The following CIDEC variants were observed in gnomAD, a reference collection of about 807,000 sequenced individuals.
CIDEC encodes lipid transferase CIDEC.
CIDEC carries 11 observed loss-of-function variants against 21.9 expected under a neutral mutation model. The observed-to-expected ratio is 0.50, with a 90% CI of 0.32 to 0.83. The LOEUF (loss-of-function observed/expected upper bound fraction) is 0.83, where lower values mean the gene tolerates loss of function less well. CIDEC is among the 40% of genes least tolerant of loss of function. The pLI is 0.04. For synonymous variants in CIDEC, 127 were observed against 124.9 expected (o/e 1.02, Z -0.11); for missense variants, 302 against 302.3 (o/e 1.00, Z 0.01).
At chr3:9,875,441 A>G (rs1292186586) in intron 4 of CIDEC, among the ~76,000 whole-genome samples, 1 of 152,154 alleles carries the variant, frequency 6.6e-6, no homozygotes, top group Non-Finnish European at 1.5e-5. Flanking sequence ...AAACAAAAAT[A>G]GCTGGCTCAT....
intron 4 of CIDEC, among the ~76,000 whole-genome samples, chr3:9,875,321 G>A (rs1355723491): frequency 1.4e-5 from 2 of 148,064 alleles, no homozygotes; most frequent in African/African-American, 5.0e-5. Context: ...AGCTTGCAGT[G>A]AGCCGAGATA....
intron 5 of CIDEC, 25 bp downstream of exon 5, chr3:9,870,139 T>A (rs2082327674): frequency 1.2e-6 from 2 of 1,613,934 alleles, no homozygotes; most frequent in Non-Finnish European, 8.5e-7. Context: ...TTCTCCCCCA[T>A]CAGGTGCAAC....
At chr3:9,880,034 C>T (rs2082483713) in intron 1 of CIDEC, among the ~76,000 whole-genome samples, 190 bp downstream of exon 1, 3 of 151,862 alleles carry the variant, frequency 2.0e-5, no homozygotes, top group African/African-American at 7.2e-5. Flanking sequence ...AGGCAGAAAG[C>T]CCCTTTCCCA....
intron 4 of CIDEC, among the ~76,000 whole-genome samples, chr3:9,870,950 CTT>C (rs200670875): frequency 7.0e-5 from 10 of 142,746 alleles, no homozygotes; most frequent in African/African-American, 1.8e-4. Context: ...ATAATTCATT[CTT>C]TTTTTTTTTT....
intron 4 of CIDEC, among the ~76,000 whole-genome samples, chr3:9,870,881 C>T (rs1457198009): frequency 6.6e-6 from 1 of 151,840 alleles, no homozygotes; most frequent in Non-Finnish European, 1.5e-5. Context: ...CTCAAGGGAT[C>T]CTTCTACCTT....
rs456168 is a variant in CIDEC, at chr3:9,877,177, C to A, written c.96G>T (p.Leu32=). ...VRTSVVTQQL[L]SEPSPKAPRA... ...TGGGGGCCTTGGGGCTGGGCTCCGA[C>A]AGCAGCTGCTGGGTCACCACAGAGG... Residue 32 remains leucine (L), a synonymous_variant, in exon 4 of 7, where the codon CTG becomes CTT. Coordinates refer to ENST00000336832, the MANE Select transcript of CIDEC (RefSeq NM_001321142.2). The A allele has an allele frequency of 0.22, 347,934 of 1,550,738 alleles. 42,296 individuals carry two copies. The highest frequency in any genetic ancestry group is 0.47 in the African/African-American group (34,153 of 73,080).
intron 4 of CIDEC, among the ~76,000 whole-genome samples, chr3:9,875,846 C>T (rs1312842650): frequency 1.3e-5 from 2 of 152,150 alleles, no homozygotes; most frequent in Non-Finnish European, 2.9e-5. Context: ...CCAGGGGAAG[C>T]CACATATAAC....
rs568897034 is a variant in CIDEC at position 9,867,014 on chromosome 3, G to A, written c.*120C>T. 6.4e-5 allele frequency: 69 copies of A among 1,083,350 alleles called. No homozygotes were observed. Among genetic ancestry groups the A allele is most frequent in the Non-Finnish European group, 8.1e-5 (57 of 700,102 alleles). The allele number at this position is 1,083,350 out of a possible 1,614,324, so 67.1% of individuals were successfully genotyped here. ...CTCCTCCTCACTCAGGGTCCTGCGC[G>A]GTGAGGGAGGTGTGGGGAGGTTCGC... On this transcript the variant is annotated 3_prime_UTR_variant, in exon 7 of 7. Coordinates refer to ENST00000336832, the MANE Select transcript of CIDEC (RefSeq NM_001321142.2).
chr3:9,878,909 A>G, intron 2 of CIDEC, 33 bp downstream of exon 2: 1 of 1,118,698 alleles, frequency 8.9e-7, no homozygotes, highest in Non-Finnish European at 1.3e-6. Flanking sequence ...GGTGAGTCAC[A>G]CCACCTCACA....
At chr3:9,872,328 C>T (rs1036143244) in intron 4 of CIDEC, among the ~76,000 whole-genome samples, 5 of 151,956 alleles carry the variant, frequency 3.3e-5, no homozygotes, top group Non-Finnish European at 5.9e-5. Context: ...CATGTGCCAC[C>T]GTTCCCAGCT....
intron 6 of CIDEC, 35 bp downstream of exon 6, chr3:9,869,846 AC>A (rs774259413): frequency 6.3e-7 from 1 of 1,597,144 alleles, no homozygotes; most frequent in South Asian, 1.1e-5. Flanking sequence ...CATTGCCTGT[AC>A]CCACCCTGTC....
At position 9,870,558 on chromosome 3, in the gene CIDEC, C is replaced by A; in HGVS notation, c.208-236G>T. On this transcript the variant is annotated intron_variant, in intron 4 of 6. Transcript: ENST00000336832. Reference sequence around the variant, plus strand: ...TACAGTTTACATACTCTAAAAGTTACCCTCTAAAAGTGTACAATTCAGGGT... The same window carrying A: ...TACAGTTTACATACTCTAAAAGTTAACCTCTAAAAGTGTACAATTCAGGGT... The A allele has an allele frequency of 3.9e-6, 5 of 1,275,900 alleles. No individual in the cohort carries two copies. In the South Asian group the frequency reaches 5.2e-5, roughly 13 times the overall value. 79.0% of individuals were successfully genotyped at this position (1,275,900 alleles called of 1,614,324 possible).
chr3:9,869,025 C>G (rs1341318597), intron 6 of CIDEC, among the ~76,000 whole-genome samples: 2 of 152,120 alleles, frequency 1.3e-5, no homozygotes, highest in Non-Finnish European at 2.9e-5. Flanking sequence ...GACAGGGTCT[C>G]ACTGTGTTGC....
intron 4 of CIDEC, among the ~76,000 whole-genome samples, chr3:9,875,299 GC>G (rs1229788972): frequency 6.6e-6 from 1 of 150,570 alleles, no homozygotes; most frequent in East Asian, 2.0e-4. Flanking sequence ...ATGGTGGGAA[GC>G]CGGGAGGCAG....
At chr3:9,870,374 A>G (rs750163740) in intron 4 of CIDEC, 52 bp from the exon 5 acceptor site, 1 of 1,602,390 alleles carries the variant, frequency 6.2e-7, no homozygotes, top group Admixed American at 1.7e-5. Context: ...AGTGGGCTGG[A>G]CTCTATGAGG....
chr3:9,876,589 T>G (rs1315410817), intron 4 of CIDEC, among the ~76,000 whole-genome samples: 1 of 151,702 alleles, frequency 6.6e-6, no homozygotes, highest in Non-Finnish European at 1.5e-5. Flanking sequence ...AAACCCTGTC[T>G]CTACTAAAGT....
Position 9,870,072 on chromosome 3 carries a change from G to A in CIDEC, c.367-3C>T. 1 of 1,614,030 alleles carries A rather than the reference G, an allele frequency of 6.2e-7. No individual in the cohort carries two copies. Among genetic ancestry groups the A allele is most frequent in the Non-Finnish European group, 8.5e-7 (1 of 1,179,880 alleles). On this transcript the variant is annotated splice_region_variant and splice_polypyrimidine_tract_variant and intron_variant, in intron 5 of 6. Coordinates refer to ENST00000336832, the MANE Select transcript of CIDEC (RefSeq NM_001321142.2). ...AGGGACAGTGGGTGCCTTGTCCCCT[G>A]CATTGAGACAAGCAAATGGTTAGCA...
At chr3:9,879,699 GA>G (rs1048615633) in intron 1 of CIDEC, among the ~76,000 whole-genome samples, 18 of 152,044 alleles carry the variant, frequency 1.2e-4, no homozygotes, top group Non-Finnish European at 2.2e-4. Flanking sequence ...GATCCAGGAC[GA>G]AATTTTTGCA....
chr3:9,875,390 A>AAG (rs1553563767), intron 4 of CIDEC, among the ~76,000 whole-genome samples: 42 of 151,746 alleles, frequency 2.8e-4, no homozygotes, highest in African/African-American at 9.9e-4. Flanking sequence ...AAAAAAAAAA[A>AAG]AAAGAAAAAA....
Sources: allele counts gnomAD v4.1 joint callset (sites outside exome capture counted in the v4.1 genomes callset), GRCh38; gene constraint gnomAD v4.1.1; transcripts MANE v1.5; gene names NCBI Gene and HGNC (gene_info 2026-07-23, HGNC 2026-07-21).